The following TSNARE1 variants were observed in gnomAD, a reference collection of about 807,000 sequenced individuals.
The protein encoded by TSNARE1 is t-SNARE domain-containing protein 1.
Under a neutral mutation model 62.0 loss-of-function variants are expected in TSNARE1, and 49 were observed. The observed-to-expected ratio is 0.79, with a 90% CI of 0.63 to 1.00. The LOEUF is 1.00. TSNARE1 is among the 50% of genes least tolerant of loss of function. The pLI, the probability that TSNARE1 is intolerant of heterozygous loss-of-function variation, is 0.00. For synonymous variants in TSNARE1, 328 were observed against 294.4 expected (o/e 1.11, Z -1.17); for missense variants, 755 against 700.1 (o/e 1.08, Z -0.88).
intron 1 of TSNARE1, among the ~76,000 whole-genome samples, chr8:142,400,039 C>CAA (rs879581383): frequency 2.2e-5 from 3 of 139,000 alleles, no homozygotes; most frequent in Admixed American, 7.2e-5. Flanking sequence ...ACGCCTATCT[C>CAA]AAAAAAAAAA....
chr8:142,320,818 G>A (rs958570498), intron 6 of TSNARE1, among the ~76,000 whole-genome samples: 15 of 152,216 alleles, frequency 9.9e-5, no homozygotes, highest in Admixed American at 5.9e-4. Context: ...TCTCTGCTCC[G>A]CGCTGACCTC....
Position 142,384,504 on chromosome 8 carries a change from A to G in TSNARE1, c.-40+18600T>C, listed in dbSNP as rs552609082. Among the ~76,000 whole-genome samples, 332 of 152,346 alleles carry G rather than the reference A, an allele frequency of 2.2e-3. 1 individual carries two copies. Among genetic ancestry groups the G allele is most frequent in the Non-Finnish European group, 4.0e-3 (274 of 68,022 alleles). ...TATATAGACCCAAAGAATAGAATAA[A>G]GAGCCCAGAAATAAGCCCTGGTGTA... On this transcript the variant is annotated intron_variant, in intron 1 of 13. Coordinates refer to ENST00000524325, the MANE Select transcript of TSNARE1 (RefSeq NM_145003.5).
intron 13 of TSNARE1, among the ~76,000 whole-genome samples, chr8:142,215,170 T>C (rs965257465): frequency 2.0e-5 from 3 of 152,084 alleles, no homozygotes; most frequent in Admixed American, 6.5e-5. Context: ...AGTGAACAAA[T>C]CTGTGATGTG....
chr8:142,217,585 A>G (rs1354333065), intron 13 of TSNARE1, among the ~76,000 whole-genome samples: 2 of 151,520 alleles, frequency 1.3e-5, no homozygotes, highest in Non-Finnish European at 2.9e-5. Flanking sequence ...TGACCTACTC[A>G]CTTCAGCTAC....
Position 142,284,120 on chromosome 8 carries a change from G to GGAGGTGGGACCAGTGTCTGTCAATGAGC in TSNARE1, c.1363+292_1363+293insGCTCATTGACAGACACTGGTCCCACCTC, listed in dbSNP as rs2130892136. On this transcript the variant is annotated intron_variant, in intron 11 of 13. Coordinates refer to ENST00000524325, the MANE Select transcript of TSNARE1 (RefSeq NM_145003.5). ...GGCGGGGCCAGTGTCTGTCAATGAG[G>GGAGGTGGGACCAGTGTCTGTCAATGAGC]AGAGGCAGGGCCAGTGTCTGTCAAT... 1.9e-5 allele frequency among the ~76,000 whole-genome samples: 2 copies of GGAGGTGGGACCAGTGTCTGTCAATGAGC among 103,634 alleles called. 1 individual carries two copies. Among genetic ancestry groups the GGAGGTGGGACCAGTGTCTGTCAATGAGC allele is most frequent in the Non-Finnish European group, 4.8e-5 (2 of 41,292 alleles). 68.0% of individuals were successfully genotyped at this position (103,634 alleles called of 152,430 possible).
chr8:142,364,064 A>C (rs1208025875), intron 1 of TSNARE1, among the ~76,000 whole-genome samples: 2 of 152,222 alleles, frequency 1.3e-5, no homozygotes, highest in African/African-American at 4.8e-5. Flanking sequence ...AAAATCACTT[A>C]TCAAGGTCAC....
At chr8:142,240,827 C>CAGTAT (rs1336107780) in intron 12 of TSNARE1, among the ~76,000 whole-genome samples, 2 of 152,078 alleles carry the variant, frequency 1.3e-5, no homozygotes, top group Non-Finnish European at 2.9e-5. Flanking sequence ...ACACAGGATG[C>CAGTAT]AGTATAAACA....
At chr8:142,265,001 T>C (rs1819061307) in intron 12 of TSNARE1, among the ~76,000 whole-genome samples, 1 of 152,226 alleles carries the variant, frequency 6.6e-6, no homozygotes, top group African/African-American at 2.4e-5. Flanking sequence ...CCTTCTCCTT[T>C]CTATTCAACA....
intron 12 of TSNARE1, among the ~76,000 whole-genome samples, chr8:142,239,736 C>T (rs764570961): frequency 1.3e-4 from 20 of 152,130 alleles, no homozygotes; most frequent in Admixed American, 9.8e-4. Context: ...ACGTGGTTAG[C>T]GCCAACTCAC....
intron 4 of TSNARE1, among the ~76,000 whole-genome samples, chr8:142,341,679 C>T (rs1183032725): frequency 5.3e-5 from 8 of 152,216 alleles, no homozygotes; most frequent in Non-Finnish European, 8.8e-5. Context: ...AGGTCACCCC[C>T]GTCAGTGTCA....
chr8:142,226,435 C>T (rs4500191), intron 13 of TSNARE1, among the ~76,000 whole-genome samples: 67 of 152,304 alleles, frequency 4.4e-4, no homozygotes, highest in African/African-American at 1.5e-3. Flanking sequence ...TCTCAGCCCA[C>T]GCTGTCCTGC....
intron 5 of TSNARE1, 134 bp downstream of exon 5, chr8:142,331,620 G>A (rs1831047308): frequency 1.2e-6 from 1 of 811,382 alleles, no homozygotes; most frequent in South Asian, 1.6e-5. Flanking sequence ...CGCATCAGTG[G>A]ACCCACGAAA....
intron 12 of TSNARE1, among the ~76,000 whole-genome samples, chr8:142,261,764 G>C (rs1289634719): frequency 6.6e-6 from 1 of 152,178 alleles, no homozygotes; most frequent in Non-Finnish European, 1.5e-5. Context: ...CACGGGCATA[G>C]AGGGGTCTGA....
At chr8:142,272,325 C>T (rs1361922792) in intron 12 of TSNARE1, among the ~76,000 whole-genome samples, 3 of 110,610 alleles carry the variant, frequency 2.7e-5, no homozygotes, top group African/African-American at 8.1e-5. Flanking sequence ...CCCATCCACC[C>T]GCCCGTCTAC....
chr8:142,333,275 G>C lies in TSNARE1; in HGVS notation c.746-1444C>G, dbSNP rs548020521. Among the ~76,000 whole-genome samples, 3 of 152,288 alleles carry C rather than the reference G, an allele frequency of 2.0e-5. No homozygotes were observed. In the East Asian group the frequency reaches 5.8e-4, roughly 29 times the overall value. On this transcript the variant is annotated intron_variant, in intron 4 of 13. Transcript: ENST00000524325. ...GCAGCGTTCAGAAGGAAGCACGGGGGGCCGAGCTCGCTCCGAAACGCATGC... is the reference window on the plus strand; with the variant it reads ...GCAGCGTTCAGAAGGAAGCACGGGGCGCCGAGCTCGCTCCGAAACGCATGC...
intron 1 of TSNARE1, among the ~76,000 whole-genome samples, chr8:142,377,424 A>G (rs181234525): frequency 3.0e-4 from 46 of 152,384 alleles, no homozygotes; most frequent in African/African-American, 8.2e-4. Context: ...AAGTGACAAC[A>G]TATTTGCAAC....
chr8:142,213,962 C>G (rs957963293), intron 13 of TSNARE1, among the ~76,000 whole-genome samples: 1 of 151,746 alleles, frequency 6.6e-6, no homozygotes, highest in Non-Finnish European at 1.5e-5. Flanking sequence ...CAGAGCCAGC[C>G]CCCCCGGGAA....
chr8:142,366,193 C>T (rs1835537821), intron 1 of TSNARE1, among the ~76,000 whole-genome samples: 1 of 152,058 alleles, frequency 6.6e-6, no homozygotes, highest in Non-Finnish European at 1.5e-5. Context: ...CCCACCACCA[C>T]GCCCGGCTAA....
intron 10 of TSNARE1, among the ~76,000 whole-genome samples, chr8:142,292,661 TGAGGACAGGG>T (rs139525218): frequency 2.0e-5 from 3 of 151,986 alleles, no homozygotes; most frequent in East Asian, 1.9e-4. Context: ...ACCAGTGGGG[TGAGGACAGGG>T]AAGGAGAGCA....
Sources: allele counts gnomAD v4.1 joint callset (sites outside exome capture counted in the v4.1 genomes callset), GRCh38; gene constraint gnomAD v4.1.1; transcripts MANE v1.5; gene names NCBI Gene and HGNC (gene_info 2026-07-23, HGNC 2026-07-21).